Variants in RBFOX1 observed in about 807,000 individuals in gnomAD.
RBFOX1 encodes RNA binding protein fox-1 homolog 1.
RBFOX1 carries 8 observed loss-of-function variants against 57.7 expected under a neutral mutation model. That is an observed-to-expected ratio of 0.14 (90% confidence interval 0.08 to 0.25). The LOEUF (loss-of-function observed/expected upper bound fraction) is 0.25, where lower values mean the gene tolerates loss of function less well. Ranked by LOEUF, RBFOX1 falls within the 10% of genes least tolerant of loss-of-function variation. RBFOX1 has a pLI of 1.00. For synonymous variants in RBFOX1, 326 were observed against 222.4 expected (o/e 1.47, Z -4.15); for missense variants, 611 against 548.5 (o/e 1.11, Z -1.14).
chr16:7,452,332 C>T (rs564705927), intron 4 of RBFOX1, among the ~76,000 whole-genome samples: 53 of 152,290 alleles, frequency 3.5e-4, no homozygotes, highest in African/African-American at 1.2e-3. Flanking sequence ...CCCGCGTTAG[C>T]GTGTAGGTGA....
chr16:6,157,579 C>G (rs948180529), intron 1 of RBFOX1, among the ~76,000 whole-genome samples: 3 of 152,072 alleles, frequency 2.0e-5, no homozygotes, highest in South Asian at 2.1e-4. Context: ...TTTGAAAATA[C>G]TAAATACCCA....
At chr16:7,700,531 G>C (rs1294809316) in intron 14 of RBFOX1, among the ~76,000 whole-genome samples, 2 of 152,102 alleles carry the variant, frequency 1.3e-5, no homozygotes, top group African/African-American at 2.4e-5. Flanking sequence ...CCTCCTATGG[G>C]GTAAAGTATA....
chr16:6,528,922 A>G (rs960905927), intron 2 of RBFOX1, among the ~76,000 whole-genome samples: 2 of 152,196 alleles, frequency 1.3e-5, no homozygotes, highest in Non-Finnish European at 2.9e-5. Flanking sequence ...AGGAATATTT[A>G]TTAAATGAAC....
chr16:7,341,041 C>A (rs962259871), intron 4 of RBFOX1, among the ~76,000 whole-genome samples: 3 of 152,106 alleles, frequency 2.0e-5, no homozygotes, highest in Admixed American at 6.5e-5. Flanking sequence ...GGAGCAGAGT[C>A]CCCTCCCTGT....
At position 7,292,123 on chromosome 16, in the gene RBFOX1, AATAT is replaced by A. The variant is rs1442967549; in HGVS notation, c.28-226020_28-226017del. 1.2e-4 allele frequency among the ~76,000 whole-genome samples: 16 copies of A among 135,216 alleles called. No individual in the cohort carries two copies. The South Asian group carries it at 3.1e-3, about 27-fold the overall frequency. 88.7% of individuals were successfully genotyped at this position (135,216 alleles called of 152,430 possible). ...ATATCATGTATTATGTATAATATAT[AATAT>A]ATAATGTATTACGTATGATATATAA... On this transcript the variant is annotated intron_variant, in intron 4 of 15. Coordinates refer to ENST00000550418, the MANE Select transcript of RBFOX1 (RefSeq NM_018723.4).
chr16:7,245,861 C>T (rs374533292), intron 4 of RBFOX1, among the ~76,000 whole-genome samples: 4 of 152,158 alleles, frequency 2.6e-5, no homozygotes, highest in South Asian at 2.1e-4. Flanking sequence ...TTCCCCTTTG[C>T]GTTTATCTAA....
chr16:6,205,178 T>C (rs1342410808), intron 1 of RBFOX1, among the ~76,000 whole-genome samples: 1 of 152,188 alleles, frequency 6.6e-6, no homozygotes, highest in African/African-American at 2.4e-5. Context: ...ATTGGAAAAG[T>C]AATTGACATT....
intron 3 of RBFOX1, among the ~76,000 whole-genome samples, chr16:6,817,332 C>T (rs1433287973): frequency 6.6e-6 from 1 of 151,980 alleles, no homozygotes; most frequent in Admixed American, 6.6e-5. Context: ...GTACGAGGAC[C>T]CTGCTTACCT....
intron 3 of RBFOX1, among the ~76,000 whole-genome samples, chr16:6,958,745 C>T (rs1054812671): frequency 2.6e-5 from 4 of 152,094 alleles, no homozygotes; most frequent in Admixed American, 1.3e-4. Flanking sequence ...AATCTTTTAT[C>T]ATATGCTTAA....
Position 6,418,529 on chromosome 16 carries a change from T to A in RBFOX1, c.-64+101472T>A, listed in dbSNP as rs566079138. Among the ~76,000 whole-genome samples the A allele has an allele frequency of 1.6e-4, 23 of 145,270 alleles. 1 individual carries two copies. Among genetic ancestry groups the A allele is most frequent in the South Asian group, 1.3e-3 (6 of 4,462 alleles). ...CTTTCTGCAAGCCTTATTTTTTTTT[T>A]TTTTTTTTTTTTTTGACAGAGTCTG... On this transcript the variant is annotated intron_variant, in intron 2 of 15. Coordinates refer to ENST00000550418, the MANE Select transcript of RBFOX1 (RefSeq NM_018723.4).
At chr16:5,787,655 C>T (rs1253393489) in intron 3 of RBFOX1, among the ~76,000 whole-genome samples, 1 of 152,152 alleles carries the variant, frequency 6.6e-6, no homozygotes, top group Non-Finnish European at 1.5e-5. Context: ...TGACAAAGAG[C>T]TGGATCTCGC....
chr16:5,568,600 T>C (rs2046156608), intron 2 of RBFOX1, among the ~76,000 whole-genome samples: 2 of 152,182 alleles, frequency 1.3e-5, no homozygotes, highest in Admixed American at 1.3e-4. Flanking sequence ...TCACTCTGTC[T>C]TCTGTTGTCT....
chr16:6,759,847 A>G (rs1276828833), intron 3 of RBFOX1, among the ~76,000 whole-genome samples: 2 of 152,196 alleles, frequency 1.3e-5, no homozygotes, highest in African/African-American at 2.4e-5. Flanking sequence ...ACAGTGGAAA[A>G]TTACCCAAAT....
At chr16:6,901,771 T>C (rs1211871800) in intron 3 of RBFOX1, among the ~76,000 whole-genome samples, 1 of 152,162 alleles carries the variant, frequency 6.6e-6, no homozygotes, top group Admixed American at 6.5e-5. Flanking sequence ...TTAACACTCA[T>C]AGATGAGATG....
intron 3 of RBFOX1, among the ~76,000 whole-genome samples, chr16:5,681,977 C>T (rs2050353317): frequency 1.3e-5 from 2 of 152,134 alleles, no homozygotes; most frequent in South Asian, 4.2e-4. Flanking sequence ...TACAGTAACA[C>T]ATCTCCCCCT....
intron 3 of RBFOX1, among the ~76,000 whole-genome samples, chr16:7,018,181 A>G (rs1597136682): frequency 2.0e-5 from 3 of 152,096 alleles, no homozygotes; most frequent in Non-Finnish European, 2.9e-5. Flanking sequence ...CGAGCCGTGC[A>G]TTCGTGGATC....
intron 1 of RBFOX1, among the ~76,000 whole-genome samples, chr16:5,250,839 C>G (rs1365295611): frequency 6.6e-6 from 1 of 152,174 alleles, no homozygotes; most frequent in Non-Finnish European, 1.5e-5. Context: ...TGAATTTCCT[C>G]ACACACATCA....
At chr16:6,641,825 C>T (rs1021687051) in intron 2 of RBFOX1, among the ~76,000 whole-genome samples, 1 of 147,314 alleles carries the variant, frequency 6.8e-6, no homozygotes, top group Admixed American at 6.8e-5. Context: ...TGCTCTGGGA[C>T]TTGCTCCCTC....
At chr16:6,266,932 G>A (rs886289221) in intron 1 of RBFOX1, among the ~76,000 whole-genome samples, 1 of 152,170 alleles carries the variant, frequency 6.6e-6, no homozygotes, top group Admixed American at 6.5e-5. Context: ...TCTTAGCAGA[G>A]TGCCTTATGA....
Sources: allele counts gnomAD v4.1 joint callset (sites outside exome capture counted in the v4.1 genomes callset), GRCh38; gene constraint gnomAD v4.1.1; transcripts MANE v1.5; gene names NCBI Gene and HGNC (gene_info 2026-07-23, HGNC 2026-07-21).